The following PAM variants were observed in gnomAD, a reference collection of about 807,000 sequenced individuals.
PAM encodes peptidylglycine alpha-amidating monooxygenase, also known as peptidyl-glycine alpha-amidating monooxygenase.
In PAM, 72 loss-of-function variants were observed where a neutral mutation model predicts 122.1. That is an observed-to-expected ratio of 0.59 (90% CI 0.49 to 0.72). The LOEUF is 0.72. Ranked by LOEUF, PAM falls within the 30% of genes least tolerant of loss-of-function variation. The pLI, the probability that PAM is intolerant of heterozygous loss-of-function variation, is 0.00. For missense variants in PAM, 1,106 were observed against 1,183.7 expected (o/e 0.93, Z 0.96); for synonymous variants, 389 against 404.4 (o/e 0.96, Z 0.46).
At chr5:102,916,447 T>C (rs1356257061) in intron 5 of PAM, among the ~76,000 whole-genome samples, 1 of 151,898 alleles carries the variant, frequency 6.6e-6, no homozygotes, top group Non-Finnish European at 1.5e-5. Context: ...GTAGACTTGT[T>C]ATGATTGAAT....
At chr5:102,998,715 T>C (rs756522545) in intron 16 of PAM, among the ~76,000 whole-genome samples, 5 of 152,192 alleles carry the variant, frequency 3.3e-5, no homozygotes, top group Non-Finnish European at 5.9e-5. Flanking sequence ...CAACTGAATA[T>C]GCATCTACAA....
At chr5:102,808,554 T>C (rs1016550344) in intron 1 of PAM, among the ~76,000 whole-genome samples, 3 of 152,210 alleles carry the variant, frequency 2.0e-5, no homozygotes, top group African/African-American at 7.2e-5. Flanking sequence ...TTTTGACAAG[T>C]GTCACAGGGC....
intron 16 of PAM, 122 bp from the exon 17 acceptor site, chr5:103,002,911 C>A: frequency 1.6e-6 from 1 of 643,922 alleles, no homozygotes; most frequent in Non-Finnish European, 2.9e-6. Flanking sequence ...ATGTGGCAGA[C>A]AAAGAGTGAA....
intron 16 of PAM, 104 bp from the exon 17 acceptor site, chr5:103,002,929 A>G (rs1777825382): frequency 3.0e-6 from 2 of 670,208 alleles, no homozygotes; most frequent in Admixed American, 4.5e-5. Flanking sequence ...GAAGTCAAAT[A>G]CATTTGAGCT....
At chr5:102,851,100 C>T (rs1360185442) in intron 1 of PAM, among the ~76,000 whole-genome samples, 3 of 152,028 alleles carry the variant, frequency 2.0e-5, no homozygotes, top group Non-Finnish European at 4.4e-5. Flanking sequence ...ATCGGATGCA[C>T]GATTCATTTA....
chr5:102,933,583 T>C (rs1191747622), intron 7 of PAM, among the ~76,000 whole-genome samples: 1 of 152,216 alleles, frequency 6.6e-6, no homozygotes, highest in Non-Finnish European at 1.5e-5. Context: ...AAAGGGTTCC[T>C]ACCTAACCAC....
At chr5:102,899,429 CTT>C (rs535914062) in intron 3 of PAM, among the ~76,000 whole-genome samples, 5 of 151,554 alleles carry the variant, frequency 3.3e-5, no homozygotes, top group African/African-American at 1.2e-4. Flanking sequence ...AATGAGATAA[CTT>C]ATAATAAAAT....
intron 1 of PAM, among the ~76,000 whole-genome samples, chr5:102,842,434 G>T (rs899016200): frequency 6.6e-6 from 1 of 152,088 alleles, no homozygotes; most frequent in Non-Finnish European, 1.5e-5. Flanking sequence ...ATAAAGGGAA[G>T]TTTCCCTGCA....
intron 16 of PAM, among the ~76,000 whole-genome samples, chr5:103,001,876 TC>T (rs1777490695): frequency 6.6e-6 from 1 of 152,176 alleles, no homozygotes; most frequent in South Asian, 2.1e-4. Context: ...TTCAGATTCT[TC>T]TTTTGCTTAA....
At chr5:102,821,396 A>G (rs1201905756) in intron 1 of PAM, among the ~76,000 whole-genome samples, 1 of 152,176 alleles carries the variant, frequency 6.6e-6, no homozygotes, top group Non-Finnish European at 1.5e-5. Flanking sequence ...AGACTCACTC[A>G]CTCAAGTCCT....
At chr5:102,858,449 C>G (rs1783208765) in intron 1 of PAM, among the ~76,000 whole-genome samples, 1 of 152,096 alleles carries the variant, frequency 6.6e-6, no homozygotes, top group Non-Finnish European at 1.5e-5. Context: ...CACAGGACAG[C>G]CCCTACAACA....
At chr5:102,916,219 A>G (rs1803048592) in intron 5 of PAM, among the ~76,000 whole-genome samples, 1 of 152,088 alleles carries the variant, frequency 6.6e-6, no homozygotes, top group Non-Finnish European at 1.5e-5. Flanking sequence ...AATTCTATGA[A>G]TATAAATTGC....
chr5:102,857,758 G>T (rs549687081), intron 1 of PAM, among the ~76,000 whole-genome samples: 2 of 152,300 alleles, frequency 1.3e-5, no homozygotes, highest in African/African-American at 4.8e-5. Context: ...GGATTCAGAA[G>T]AGCTAATTTA....
Position 103,025,135 on chromosome 5 carries a change from C to T in PAM, c.2490C>T (p.Ala830=), listed in dbSNP as rs762727922. 9.3e-6 allele frequency: 15 copies of T among 1,610,972 alleles called. No homozygotes were observed. In the East Asian group the frequency reaches 2.2e-4, roughly 24 times the overall value. The change falls in exon 24 of 26, where the codon GCC becomes GCT. Residue 830 remains alanine, a synonymous_variant. Coordinates refer to ENST00000438793, the MANE Select transcript of PAM (RefSeq NM_001177306.2). ...AGIEVQEIKE[A]EAVVETKMEN... ...TGAACTCTTCTTTCCCTGAAGAAGC[C>T]GAGGCAGTTGTTGAAACCAAAATGG... is the stretch of plus-strand genomic sequence containing the variant.
intron 15 of PAM, among the ~76,000 whole-genome samples, chr5:102,975,094 C>T (rs754525305): frequency 6.6e-6 from 1 of 152,188 alleles, no homozygotes; most frequent in Non-Finnish European, 1.5e-5. Flanking sequence ...GGTTTCCGTA[C>T]CAGCAAGCTA....
intron 3 of PAM, among the ~76,000 whole-genome samples, chr5:102,899,970 T>C (rs1166396006): frequency 6.6e-6 from 1 of 151,536 alleles, no homozygotes; most frequent in African/African-American, 2.4e-5. Flanking sequence ...AGGTGCCCAC[T>C]GGACTGAGAG....
chr5:102,905,297 T>C (rs1361342721), intron 4 of PAM, among the ~76,000 whole-genome samples: 1 of 151,660 alleles, frequency 6.6e-6, no homozygotes, highest in Admixed American at 6.6e-5. Flanking sequence ...ATGGATGACC[T>C]GTAAATAATT....
At chr5:102,790,677 G>A (rs1240960710) in intron 1 of PAM, among the ~76,000 whole-genome samples, 1 of 151,946 alleles carries the variant, frequency 6.6e-6, no homozygotes, top group East Asian at 1.9e-4. Context: ...GCCTCTTACA[G>A]AACACTATTT....
At chr5:102,760,315 T>G (rs191424384) in intron 1 of PAM, among the ~76,000 whole-genome samples, 186 of 152,316 alleles carry the variant, frequency 1.2e-3, no homozygotes, top group Non-Finnish European at 2.3e-3. Context: ...CTGATACTAC[T>G]GCTACTGATA....
Sources: gnomAD v4.1 joint callset for allele counts (sites outside exome capture counted in the v4.1 genomes callset) on GRCh38, gnomAD v4.1.1 for gene constraint, MANE v1.5 for transcripts, NCBI Gene and HGNC (gene_info 2026-07-23, HGNC 2026-07-21) for gene names.